The following UBA6 variants were observed in gnomAD, a reference collection of about 807,000 sequenced individuals.
The protein encoded by UBA6 is ubiquitin-like modifier-activating enzyme 6.
Under a neutral mutation model 148.3 loss-of-function variants are expected in UBA6, and 87 were observed. The ratio of observed to expected loss-of-function variants is 0.59; its 90% CI spans 0.49 to 0.70. The LOEUF is 0.70. Ranked by LOEUF, UBA6 falls within the 30% of genes least tolerant of loss-of-function variation. UBA6 has a pLI of 0.00. For missense variants in UBA6, 1,186 were observed against 1,241.2 expected (o/e 0.96, Z 0.67); for synonymous variants, 376 against 401.0 (o/e 0.94, Z 0.75).
chr4:67,636,423 G>A, intron 19 of UBA6, among the ~76,000 whole-genome samples: 1 of 152,086 alleles, frequency 6.6e-6, no homozygotes, highest in African/African-American at 2.4e-5. Flanking sequence ...CTCTTTCCAT[G>A]GTCTCCCTCT....
chr4:67,680,017 T>C (rs546030186), intron 4 of UBA6, among the ~76,000 whole-genome samples: 94 of 152,184 alleles, frequency 6.2e-4, no homozygotes, highest in Admixed American at 9.8e-4. Flanking sequence ...TTTATCATAA[T>C]GTACACATAC....
At chr4:67,698,609 T>C (rs1297917985) in intron 1 of UBA6, among the ~76,000 whole-genome samples, 3 of 152,168 alleles carry the variant, frequency 2.0e-5, no homozygotes, top group Admixed American at 1.3e-4. Context: ...AGCTCTTGAC[T>C]ACCACACATA....
At chr4:67,669,506 C>T (rs1577826481) in intron 8 of UBA6, among the ~76,000 whole-genome samples, 2 of 152,014 alleles carry the variant, frequency 1.3e-5, no homozygotes, top group Admixed American at 1.3e-4. Context: ...CTTATTTTGT[C>T]TTCTTTTGGA....
At chr4:67,681,439 A>AT (rs200361645) in intron 4 of UBA6, 124 bp downstream of exon 4, 85,668 of 594,902 alleles carry the variant, frequency 0.14, 6,522 homozygotes, top group Middle Eastern at 0.22. Flanking sequence ...AATTTCCATG[A>AT]TTTTTTTTAA....
chr4:67,619,270 AT>A, intron 32 of UBA6, 138 bp from the exon 33 acceptor site: 1 of 655,250 alleles, frequency 1.5e-6, no homozygotes, highest in South Asian at 2.0e-5. Context: ...TCACATATTC[AT>A]TTTTCTTTAC....
At chr4:67,681,357 G>C (rs548148193) in intron 4 of UBA6, among the ~76,000 whole-genome samples, 19 of 152,236 alleles carry the variant, frequency 1.2e-4, no homozygotes, top group South Asian at 8.3e-4. Flanking sequence ...ATGTCCCCAA[G>C]AGTTGGTAAC....
intron 22 of UBA6, 113 bp downstream of exon 22, chr4:67,634,129 T>C: frequency 1.5e-6 from 1 of 672,084 alleles, no homozygotes; most frequent in East Asian, 3.0e-5. Context: ...CATTTCATTT[T>C]TTATATACAA....
At chr4:67,675,181 C>A (rs1328333417) in intron 6 of UBA6, among the ~76,000 whole-genome samples, 1 of 152,112 alleles carries the variant, frequency 6.6e-6, no homozygotes, top group Non-Finnish European at 1.5e-5. Context: ...TGGTAATTTC[C>A]TCAGGTCTAT....
chr4:67,662,279 TAA>T, intron 12 of UBA6, 24 bp from the exon 13 acceptor site: 1 of 1,603,702 alleles, frequency 6.2e-7, no homozygotes, highest in South Asian at 1.1e-5. Flanking sequence ...CAGAACACCC[TAA>T]CTTTAATTTT....
chr4:67,694,505 C>T (rs1027892663), intron 2 of UBA6, among the ~76,000 whole-genome samples: 4 of 151,762 alleles, frequency 2.6e-5, no homozygotes, highest in Admixed American at 2.0e-4. Flanking sequence ...CATTCTCCTG[C>T]CTCAGCCTCC....
intron 13 of UBA6, among the ~76,000 whole-genome samples, chr4:67,651,805 T>C (rs1170269216): frequency 5.9e-5 from 9 of 151,956 alleles, no homozygotes; most frequent in African/African-American, 2.2e-4. Flanking sequence ...AAAAAAACTG[T>C]TGACAAAAAT....
intron 6 of UBA6, 94 bp downstream of exon 6, chr4:67,677,517 C>G (rs1010686059): frequency 1.8e-6 from 1 of 567,208 alleles, no homozygotes; most frequent in East Asian, 3.3e-5. Context: ...TTCTGTTTCT[C>G]AATACACTAG....
chr4:67,645,588 CTT>C (rs1729403969), intron 16 of UBA6, among the ~76,000 whole-genome samples: 1 of 149,800 alleles, frequency 6.7e-6, no homozygotes, highest in South Asian at 2.1e-4. Context: ...CAGAGCGAGA[CTT>C]TGTCTCAGAA....
At chr4:67,692,468 C>T (rs920672613) in intron 2 of UBA6, among the ~76,000 whole-genome samples, 2 of 152,108 alleles carry the variant, frequency 1.3e-5, no homozygotes, top group African/African-American at 4.8e-5. Flanking sequence ...ACATATAAAG[C>T]TGCTAACCCC....
intron 7 of UBA6, among the ~76,000 whole-genome samples, chr4:67,673,456 A>G (rs745412756): frequency 1.3e-5 from 2 of 151,780 alleles, no homozygotes; most frequent in Non-Finnish European, 2.9e-5. Context: ...GATGATTTCA[A>G]TGTTTATCAT....
At chr4:67,664,942 G>C (rs1729954854) in intron 10 of UBA6, among the ~76,000 whole-genome samples, 1 of 151,884 alleles carries the variant, frequency 6.6e-6, no homozygotes, top group South Asian at 2.1e-4. Context: ...TACCCATTTA[G>C]CTCAACTATA....
chr4:67,629,404 A>G (rs1181682610), intron 26 of UBA6, among the ~76,000 whole-genome samples: 1 of 151,928 alleles, frequency 6.6e-6, no homozygotes, highest in African/African-American at 2.4e-5. Context: ...AATTTTTTAA[A>G]AGGCATTTTT....
intron 7 of UBA6, among the ~76,000 whole-genome samples, chr4:67,672,107 T>C (rs993778749): frequency 3.3e-5 from 5 of 152,220 alleles, no homozygotes; most frequent in Non-Finnish European, 5.9e-5. Context: ...AACTGCTAAC[T>C]AGTCTAGCTG....
intron 19 of UBA6, among the ~76,000 whole-genome samples, chr4:67,636,304 C>T (rs374722895): frequency 2.0e-5 from 3 of 152,096 alleles, no homozygotes; most frequent in African/African-American, 7.2e-5. Context: ...TGAAAATCAC[C>T]ATAGGAGGAT....
Sources: gnomAD v4.1 joint callset for allele counts (sites outside exome capture counted in the v4.1 genomes callset) on GRCh38, gnomAD v4.1.1 for gene constraint, MANE v1.5 for transcripts, NCBI Gene and HGNC (gene_info 2026-07-23, HGNC 2026-07-21) for gene names.